Variants in GNAO1 observed in about 807,000 individuals in gnomAD.
GNAO1 encodes G protein subunit alpha o1, also known as guanine nucleotide-binding protein G(o) subunit alpha.
For missense variants in GNAO1, 166 were observed against 478.7 expected (o/e 0.35, Z 6.10); for synonymous variants, 164 against 180.7 (o/e 0.91, Z 0.74).
At chr16:56,290,740 A>G (rs1168030800) in intron 3 of GNAO1, among the ~76,000 whole-genome samples, 1 of 152,182 alleles carries the variant, frequency 6.6e-6, no homozygotes, top group African/African-American at 2.4e-5. Flanking sequence ...GCCCCTCTCC[A>G]GGCAAGGCAC....
chr16:56,347,627 TC>T lies in GNAO1; in HGVS notation c.724-3752del, dbSNP rs869241555. On this transcript the variant is annotated intron_variant, in intron 6 of 8. Coordinates refer to ENST00000262493, the MANE Select transcript of GNAO1 (RefSeq NM_020988.3). ...TGGATCCCCTCCATGAGAGAGGGGC[TC>T]CCCCTGGAACAGAAGCTCTCATCCC... 5 of 960,702 alleles carry T rather than the reference TC, an allele frequency of 5.2e-6. No individual in the cohort carries two copies. In the African/African-American group the frequency reaches 8.8e-5, roughly 17 times the overall value. 59.5% of individuals were successfully genotyped at this position (960,702 alleles called of 1,614,324 possible). A position where few individuals can be genotyped will look rare whatever the true frequency, so the allele number is the denominator to read the frequency against.
chr16:56,275,146 A>G (rs916381227), intron 2 of GNAO1, among the ~76,000 whole-genome samples: 24 of 152,230 alleles, frequency 1.6e-4, no homozygotes, highest in African/African-American at 5.5e-4. Context: ...GTAGGATGTT[A>G]ATCTTAAAAT....
At chr16:56,281,799 C>G (rs1300086300) in intron 3 of GNAO1, among the ~76,000 whole-genome samples, 1 of 152,200 alleles carries the variant, frequency 6.6e-6, no homozygotes. Flanking sequence ...TGAGGAGAAA[C>G]TGAACAATTA....
rs1440314826 is a variant in GNAO1, at chr16:56,348,055, A to G, written c.724-3329A>G. The G allele has an allele frequency of 3.1e-6, 3 of 979,716 alleles. No individual in the cohort carries two copies. The African/African-American group carries it at 5.3e-5, about 17-fold the overall frequency. 60.7% of individuals were successfully genotyped at this position (979,716 alleles called of 1,614,324 possible). Reference sequence around the variant, plus strand: ...AGTGGTCCCACCTCCCAACCCCATCACTGCTGCCCACCCCATATTAACTGT... The same window carrying G: ...AGTGGTCCCACCTCCCAACCCCATCGCTGCTGCCCACCCCATATTAACTGT... On this transcript the variant is annotated intron_variant, in intron 6 of 8. Transcript: ENST00000262493.
At chr16:56,239,655 T>C (rs983280939) in intron 2 of GNAO1, among the ~76,000 whole-genome samples, 9 of 152,210 alleles carry the variant, frequency 5.9e-5, no homozygotes, top group Non-Finnish European at 1.3e-4. Context: ...AAATAATCAT[T>C]TAATGTTTAT....
intron 3 of GNAO1, among the ~76,000 whole-genome samples, chr16:56,280,330 G>A (rs1409949239): frequency 6.6e-6 from 1 of 152,198 alleles, no homozygotes; most frequent in Non-Finnish European, 1.5e-5. Context: ...AAACATGGTT[G>A]GTAATGAGGG....
intron 3 of GNAO1, among the ~76,000 whole-genome samples, chr16:56,295,163 T>C (rs73558381): frequency 2.1e-4 from 32 of 152,318 alleles, no homozygotes; most frequent in African/African-American, 7.2e-4. Flanking sequence ...CTTTCCAGCA[T>C]TGGGAGCCCT....
chr16:56,272,876 T>C (rs1383733336), intron 2 of GNAO1, among the ~76,000 whole-genome samples: 1 of 152,104 alleles, frequency 6.6e-6, no homozygotes, highest in Admixed American at 6.5e-5. Context: ...TGGTCCCAAA[T>C]GAAGCATGAG....
At chr16:56,292,207 G>T (rs968668155) in intron 3 of GNAO1, among the ~76,000 whole-genome samples, 2 of 152,160 alleles carry the variant, frequency 1.3e-5, no homozygotes, top group Non-Finnish European at 2.9e-5. Context: ...GCTGAGTTGT[G>T]CCTGAAGCAG....
At chr16:56,346,295 G>T in intron 6 of GNAO1, 1 of 985,494 alleles carries the variant, frequency 1.0e-6, no homozygotes, top group South Asian at 4.7e-5. Context: ...CGTGGATGTG[G>T]ATGTGGGAGG....
chr16:56,284,997 C>T (rs2037151277), intron 3 of GNAO1, among the ~76,000 whole-genome samples: 3 of 152,236 alleles, frequency 2.0e-5, no homozygotes, highest in Admixed American at 1.3e-4. Context: ...AGCACATTGG[C>T]CCCTGCAGAG....
chr16:56,201,524 G>A (rs746020551), intron 2 of GNAO1, among the ~76,000 whole-genome samples: 3 of 152,194 alleles, frequency 2.0e-5, no homozygotes, highest in Non-Finnish European at 4.4e-5. Context: ...GTTGGCATTA[G>A]ATCACCTACG....
At chr16:56,278,702 CAAAAT>C (rs1469640499) in intron 3 of GNAO1, among the ~76,000 whole-genome samples, 4 of 152,096 alleles carry the variant, frequency 2.6e-5, no homozygotes, top group Non-Finnish European at 4.4e-5. Flanking sequence ...GCAAGGAAAA[CAAAAT>C]AAGGTGATGT....
At chr16:56,282,488 G>T (rs2037123930) in intron 3 of GNAO1, among the ~76,000 whole-genome samples, 1 of 152,174 alleles carries the variant, frequency 6.6e-6, no homozygotes, top group Non-Finnish European at 1.5e-5. Context: ...GAAGCACAAG[G>T]TTCTTAACTG....
intron 4 of GNAO1, among the ~76,000 whole-genome samples, chr16:56,330,267 C>T (rs1254674095): frequency 6.6e-6 from 1 of 152,170 alleles, no homozygotes; most frequent in African/African-American, 2.4e-5. Context: ...CAGACCAGAG[C>T]TAGGCAGGAG....
At chr16:56,319,581 T>A (rs1463615157) in intron 3 of GNAO1, among the ~76,000 whole-genome samples, 1 of 152,144 alleles carries the variant, frequency 6.6e-6, no homozygotes, top group Non-Finnish European at 1.5e-5. Context: ...GCTGTTATAC[T>A]GATTGTCACC....
intron 3 of GNAO1, chr16:56,302,380 C>G (rs1212103294): frequency 1.3e-5 from 2 of 152,298 alleles, no homozygotes; most frequent in Non-Finnish European, 2.9e-5. Context: ...CCTCAGTTTC[C>G]CAACTTGTAT....
intron 3 of GNAO1, among the ~76,000 whole-genome samples, chr16:56,299,462 C>T (rs1377705324): frequency 6.6e-6 from 1 of 152,248 alleles, no homozygotes; most frequent in African/African-American, 2.4e-5. Context: ...CTGTGACTGC[C>T]AAGGCTTCAC....
intron 2 of GNAO1, among the ~76,000 whole-genome samples, chr16:56,236,291 TG>T (rs1329516386): frequency 6.6e-6 from 1 of 152,174 alleles, no homozygotes; most frequent in East Asian, 1.9e-4. Context: ...AAAGAGAGCC[TG>T]GGTTAACTGT....
Sources: allele counts gnomAD v4.1 joint callset (sites outside exome capture counted in the v4.1 genomes callset), GRCh38; gene constraint gnomAD v4.1.1; transcripts MANE v1.5; gene names NCBI Gene and HGNC (gene_info 2026-07-23, HGNC 2026-07-21).